CEP128: variants seen among roughly 807,000 people sequenced by gnomAD.
CEP128 encodes centrosomal protein 128, also known as centrosomal protein 128kDa.
A neutral mutation model predicts 156.7 loss-of-function variants in CEP128; 132 were observed. The ratio of observed to expected loss-of-function variants is 0.84; its 90% CI spans 0.73 to 0.97. The LOEUF (loss-of-function observed/expected upper bound fraction) is 0.97, where lower values mean the gene tolerates loss of function less well. CEP128 is among the 50% of genes least tolerant of loss of function. The pLI, the probability that CEP128 is intolerant of heterozygous loss-of-function variation, is 0.00. For synonymous variants in CEP128, 469 were observed against 448.9 expected (o/e 1.04, Z -0.57); for missense variants, 1,252 against 1,281.9 (o/e 0.98, Z 0.36).
At chr14:80,748,518 G>C (rs560679698) in intron 18 of CEP128, among the ~76,000 whole-genome samples, 4 of 152,172 alleles carry the variant, frequency 2.6e-5, no homozygotes, top group Non-Finnish European at 5.9e-5. Flanking sequence ...AAATCAAGAG[G>C]TTGTTACAGT....
chr14:80,791,057 T>C (rs572558291), intron 14 of CEP128, among the ~76,000 whole-genome samples: 2 of 152,332 alleles, frequency 1.3e-5, no homozygotes, highest in East Asian at 3.9e-4. Context: ...AAGGTGGCTT[T>C]GTGATTTTAT....
At chr14:80,704,347 G>T (rs1897166472) in intron 19 of CEP128, among the ~76,000 whole-genome samples, 1 of 151,930 alleles carries the variant, frequency 6.6e-6, no homozygotes, top group Admixed American at 6.6e-5. Flanking sequence ...AAGAAAAGAT[G>T]CAACATATTG....
intron 18 of CEP128, among the ~76,000 whole-genome samples, chr14:80,751,547 G>T (rs1057113451): frequency 6.6e-6 from 1 of 151,728 alleles, no homozygotes; most frequent in African/African-American, 2.4e-5. Context: ...GTATTTTACA[G>T]ATTACATAAT....
intron 6 of CEP128, 44 bp downstream of exon 6, chr14:80,904,769 C>CTTA: frequency 9.7e-7 from 1 of 1,030,592 alleles, no homozygotes; most frequent in East Asian, 2.4e-5. Flanking sequence ...ACAATAGAAG[C>CTTA]ATAAGGAAAT....
intron 8 of CEP128, among the ~76,000 whole-genome samples, chr14:80,879,837 C>CCCAAA (rs1888449444): frequency 6.6e-6 from 1 of 151,496 alleles, no homozygotes; most frequent in African/African-American, 2.4e-5. Context: ...TCAAATGTTC[C>CCCAAA]CAGATTCAAC....
chr14:80,525,670 C>T (rs566275550), intron 23 of CEP128, among the ~76,000 whole-genome samples: 23 of 151,974 alleles, frequency 1.5e-4, no homozygotes, highest in African/African-American at 1.9e-4. Context: ...AGTGAATATA[C>T]GGATCTATTA....
rs570542749 is a variant in CEP128, at chr14:80,539,567, C to G, written c.2881-8681G>C. On this transcript the variant is annotated intron_variant, in intron 21 of 24. Coordinates refer to ENST00000555265, the MANE Select transcript of CEP128 (RefSeq NM_152446.5). The stretch of plus-strand genomic sequence containing the variant: ...TCACCACAGGACCACTGTGATAATT[C>G]TGTTAACTGTACAAATTGATTGTAA... Among the ~76,000 whole-genome samples, 389 of 152,278 alleles carry G rather than the reference C, an allele frequency of 2.6e-3. 2 individuals are homozygous for G. Among genetic ancestry groups the G allele is most frequent in the African/African-American group, 8.6e-3 (356 of 41,558 alleles).
At chr14:80,626,380 C>A (rs950594262) in intron 19 of CEP128, among the ~76,000 whole-genome samples, 1 of 146,446 alleles carries the variant, frequency 6.8e-6, no homozygotes, top group African/African-American at 2.6e-5. Context: ...AGGAGAATGG[C>A]GTGAACCCGG....
chr14:80,868,816 A>G (rs920437456), intron 8 of CEP128, among the ~76,000 whole-genome samples: 19 of 152,100 alleles, frequency 1.2e-4, no homozygotes, highest in African/African-American at 3.6e-4. Context: ...AAGGTATTCT[A>G]CACAAATGGA....
chr14:80,586,493 C>G (rs574080085), intron 19 of CEP128, among the ~76,000 whole-genome samples: 6 of 152,090 alleles, frequency 3.9e-5, no homozygotes, highest in Non-Finnish European at 8.8e-5. Flanking sequence ...TTTCTTTACA[C>G]AAAAGTGACT....
intron 6 of CEP128, among the ~76,000 whole-genome samples, chr14:80,902,361 T>C (rs1178038120): frequency 6.6e-6 from 1 of 152,204 alleles, no homozygotes; most frequent in Non-Finnish European, 1.5e-5. Flanking sequence ...CTTCATCACA[T>C]AGTCCATGCT....
rs141038419 is a variant in CEP128, at chr14:80,678,856, G to A, written c.2806+64219C>T. On this transcript the variant is annotated intron_variant, in intron 19 of 24. Transcript: ENST00000555265. ...CATGTTGTGGGAAGTCAGGGACCCCGAACAGAGGGACTGGCTGGAACCGTG... is the reference window on the plus strand; with the variant it reads ...CATGTTGTGGGAAGTCAGGGACCCCAAACAGAGGGACTGGCTGGAACCGTG... 5.7e-4 allele frequency among the ~76,000 whole-genome samples: 87 copies of A among 152,284 alleles called. No individual in the cohort carries two copies. The Middle Eastern group carries it at 0.02, about 36-fold the overall frequency.
chr14:80,654,671 A>G (rs1031348421), intron 19 of CEP128, among the ~76,000 whole-genome samples: 1 of 151,952 alleles, frequency 6.6e-6, no homozygotes, highest in East Asian at 1.9e-4. Context: ...TTCATCTTTA[A>G]TGTTCTTGAA....
chr14:80,900,599 A>T (rs1883494684), intron 6 of CEP128, among the ~76,000 whole-genome samples: 1 of 152,244 alleles, frequency 6.6e-6, no homozygotes, highest in African/African-American at 2.4e-5. Context: ...GTACAGCATT[A>T]TTCACAATGA....
intron 8 of CEP128, among the ~76,000 whole-genome samples, chr14:80,863,583 T>A (rs1887624244): frequency 6.6e-6 from 1 of 152,220 alleles, no homozygotes. Flanking sequence ...TGTATTTCAT[T>A]ATACAGCCCA....
chr14:80,616,678 G>A (rs1893227559), intron 19 of CEP128, among the ~76,000 whole-genome samples: 1 of 152,188 alleles, frequency 6.6e-6, no homozygotes, highest in African/African-American at 2.4e-5. Flanking sequence ...CAGCAGTGAT[G>A]TTTCAAATTT....
chr14:80,941,233 C>CCT (rs761349846), intron 1 of CEP128, among the ~76,000 whole-genome samples: 8 of 152,154 alleles, frequency 5.3e-5, no homozygotes, highest in Non-Finnish European at 1.0e-4. Context: ...GTCAGACGGT[C>CCT]CTCTGGAGGA....
chr14:80,618,480 A>T (rs1893323972), intron 19 of CEP128, among the ~76,000 whole-genome samples: 1 of 152,238 alleles, frequency 6.6e-6, no homozygotes, highest in Admixed American at 6.5e-5. Context: ...ATGTGGGATA[A>T]AACAAATACA....
At position 80,734,073 on chromosome 14, in the gene CEP128, A is replaced by G. The variant is rs539354994; in HGVS notation, c.2806+9002T>C. ...AATGGCTATGCTCATCACCCCTTAC[A>G]TGGCTAAAGGTCAGGCATCACTTTC... On this transcript the variant is annotated intron_variant, in intron 19 of 24. Transcript: ENST00000555265. Among the ~76,000 whole-genome samples, 31 of 152,150 alleles carry G rather than the reference A, an allele frequency of 2.0e-4. 2 individuals are homozygous for G. In the South Asian group the frequency reaches 6.0e-3, roughly 30 times the overall value.
Sources: allele counts gnomAD v4.1 joint callset (sites outside exome capture counted in the v4.1 genomes callset), GRCh38; gene constraint gnomAD v4.1.1; transcripts MANE v1.5; gene names NCBI Gene and HGNC (gene_info 2026-07-23, HGNC 2026-07-21).